DCAF6: variants seen among roughly 807,000 people sequenced by gnomAD.
The protein encoded by DCAF6 is DDB1- and CUL4-associated factor 6.
In DCAF6, 54 loss-of-function variants were observed where a neutral mutation model predicts 125.1. The observed-to-expected ratio is 0.43, with a 90% CI of 0.35 to 0.54. The LOEUF (loss-of-function observed/expected upper bound fraction) is 0.54. DCAF6 is among the 20% of genes least tolerant of loss of function. The probability of loss-of-function intolerance (pLI) is 0.01; values close to 1 mark genes in which losing one functional copy is unlikely to be tolerated. For synonymous variants in DCAF6, 371 were observed against 390.4 expected (o/e 0.95, Z 0.58); for missense variants, 934 against 1,161.7 (o/e 0.80, Z 2.85).
chr1:168,036,968 G>T (rs1008015327), intron 12 of DCAF6, among the ~76,000 whole-genome samples: 1 of 152,130 alleles, frequency 6.6e-6, no homozygotes, highest in African/African-American at 2.4e-5. Flanking sequence ...TAAGACAGAG[G>T]AATTGATACT....
At chr1:167,868,231 T>C in the DCAF6 span, among the ~76,000 whole-genome samples, 259 of 152,198 alleles carry the variant, frequency 1.7e-3, 7 homozygotes, top group East Asian at 0.043. Context: ...GTTACGTTTG[T>C]GGAGAAACTG....
chr1:168,058,415 G>T (rs578063450), intron 17 of DCAF6, among the ~76,000 whole-genome samples: 1 of 152,130 alleles, frequency 6.6e-6, no homozygotes, highest in Non-Finnish European at 1.5e-5. Context: ...TTTAAAAATC[G>T]TGTTTATTCA....
intron 21 of DCAF6, 86 bp from the exon 22 acceptor site, chr1:168,075,285 G>A (rs1393424641): frequency 1.9e-5 from 24 of 1,261,542 alleles, no homozygotes; most frequent in East Asian, 1.6e-4. Context: ...TTTTTAATGC[G>A]TTTTAAATAA....
intron 4 of DCAF6, among the ~76,000 whole-genome samples, chr1:167,984,329 C>G (rs1679634584): frequency 6.6e-6 from 1 of 152,082 alleles, no homozygotes. Flanking sequence ...CTAAATGATT[C>G]AGATTTCTGA....
chr1:168,027,432 G>C (rs1468375489), intron 12 of DCAF6, among the ~76,000 whole-genome samples: 1 of 152,016 alleles, frequency 6.6e-6, no homozygotes, highest in Non-Finnish European at 1.5e-5. Flanking sequence ...TTACCATGGA[G>C]AATGGAAAAA....
intron 10 of DCAF6, among the ~76,000 whole-genome samples, chr1:168,007,901 G>C (rs1279311222): frequency 6.9e-6 from 1 of 145,948 alleles, no homozygotes; most frequent in Non-Finnish European, 1.5e-5. Flanking sequence ...CTGAATTCCA[G>C]ACCCTTATGC....
chr1:167,959,957 C>T (rs202267), intron 2 of DCAF6, among the ~76,000 whole-genome samples: 150,107 of 152,256 alleles, frequency 0.99, 73,998 homozygotes, highest in East Asian at 1. Context: ...TGAGTTTTTT[C>T]CCTATGTTAT....
chr1:168,054,614 C>G (rs1236222057), intron 17 of DCAF6, among the ~76,000 whole-genome samples: 1 of 151,854 alleles, frequency 6.6e-6, no homozygotes, highest in Non-Finnish European at 1.5e-5. Context: ...TAACTTTTTT[C>G]TAGACTCTTA....
At chr1:167,927,486 A>C in the DCAF6 span, among the ~76,000 whole-genome samples, 1 of 152,196 alleles carries the variant, frequency 6.6e-6, no homozygotes, top group Non-Finnish European at 1.5e-5. Flanking sequence ...TCATCAATCA[A>C]GAGTCAGTCC....
At chr1:168,036,445 A>AC (rs147527057) in intron 12 of DCAF6, among the ~76,000 whole-genome samples, 4,571 of 152,296 alleles carry the variant, frequency 0.03, 202 homozygotes, top group African/African-American at 0.1. Flanking sequence ...ACAGCAAAAC[A>AC]TTTATAAAAT....
the DCAF6 span, chr1:167,920,723 C>A: frequency 8.0e-7 from 1 of 1,257,108 alleles, no homozygotes. Context: ...TTTGAGATTT[C>A]CGTAAGTTAG....
chr1:167,956,816 A>C (rs892580957), intron 2 of DCAF6, among the ~76,000 whole-genome samples: 1 of 152,056 alleles, frequency 6.6e-6, no homozygotes, highest in Non-Finnish European at 1.5e-5. Flanking sequence ...TTCTTCTTTG[A>C]CCATCTGTTA....
At chr1:168,062,088 T>C (rs1228325151) in intron 17 of DCAF6, among the ~76,000 whole-genome samples, 1 of 151,500 alleles carries the variant, frequency 6.6e-6, no homozygotes, top group African/African-American at 2.4e-5. Context: ...ATGAATGAAC[T>C]ACAGCCAAGT....
intron 1 of DCAF6, among the ~76,000 whole-genome samples, chr1:167,949,116 T>C (rs183934542): frequency 9.3e-4 from 141 of 152,348 alleles, no homozygotes; most frequent in African/African-American, 3.3e-3. Context: ...AGTGTTCTTA[T>C]GGAGTTTATA....
intron 10 of DCAF6, among the ~76,000 whole-genome samples, chr1:168,006,658 T>C (rs1683380901): frequency 6.6e-6 from 1 of 152,210 alleles, no homozygotes. Flanking sequence ...TTGGGAATTG[T>C]CCATTGGGTG....
At chr1:168,027,790 G>A (rs1345512787) in intron 12 of DCAF6, among the ~76,000 whole-genome samples, 2 of 152,060 alleles carry the variant, frequency 1.3e-5, no homozygotes, top group Non-Finnish European at 2.9e-5. Flanking sequence ...AACTGGTTGA[G>A]TGCAACTGGT....
At chr1:168,070,834 C>T (rs1285310280) in intron 21 of DCAF6, among the ~76,000 whole-genome samples, 1 of 152,090 alleles carries the variant, frequency 6.6e-6, no homozygotes, top group Non-Finnish European at 1.5e-5. Flanking sequence ...ACTTTACTGC[C>T]CTGCTTAAAA....
chr1:167,870,198 C>T, the DCAF6 span: 1 of 1,583,228 alleles, frequency 6.3e-7, no homozygotes, highest in Non-Finnish European at 8.7e-7. Context: ...AGGAGAGGAG[C>T]ATCAAAATAA....
At chr1:167,932,962 G>A (rs200721271), upstream of DCAF6, among the ~76,000 whole-genome samples, 2 of 152,154 alleles carry the variant, frequency 1.3e-5, no homozygotes, top group East Asian at 3.9e-4. Context: ...GGGATAATGC[G>A]GGGACTGACA....
Sources: gnomAD v4.1 joint callset for allele counts (sites outside exome capture counted in the v4.1 genomes callset) on GRCh38, gnomAD v4.1.1 for gene constraint, MANE v1.5 for transcripts, NCBI Gene and HGNC (gene_info 2026-07-23, HGNC 2026-07-21) for gene names.